Variants in GLB1 observed in about 807,000 individuals in gnomAD.
GLB1 encodes the protein beta-galactosidase.
Under a neutral mutation model 74.0 loss-of-function variants are expected in GLB1, and 56 were observed. The ratio of observed to expected loss-of-function variants is 0.76; its 90% CI spans 0.61 to 0.94. The LOEUF (loss-of-function observed/expected upper bound fraction) is 0.94. Ranked by LOEUF, GLB1 falls within the 40% of genes least tolerant of loss-of-function variation. The probability of loss-of-function intolerance (pLI) is 0.00; values close to 1 mark genes in which losing one functional copy is unlikely to be tolerated. For synonymous variants in GLB1, 323 were observed against 323.6 expected, an observed-to-expected ratio of 1.00 and a Z score of 0.02; for missense variants, 787 against 845.5, an observed-to-expected ratio of 0.93 and a Z score of 0.86.
At chr3:33,048,525 C>T (rs1310724505) in intron 9 of GLB1, among the ~76,000 whole-genome samples, 5 of 152,222 alleles carry the variant, frequency 3.3e-5, no homozygotes, top group African/African-American at 7.2e-5. Context: ...GAGACACACA[C>T]CTGCACAGGC....
At chr3:33,077,651 A>G (rs931387421) in intron 1 of GLB1, among the ~76,000 whole-genome samples, 18 of 151,824 alleles carry the variant, frequency 1.2e-4, no homozygotes, top group Non-Finnish European at 2.2e-4. Context: ...TATTGTACAT[A>G]AAGTAACTGG....
chr3:33,094,192 C>G, intron 1 of GLB1: 4 of 1,596,840 alleles, frequency 2.5e-6, no homozygotes, highest in Non-Finnish European at 2.6e-6. Context: ...CTGAAGATGG[C>G]CATTTTCTCT....
chr3:33,018,367 C>A lies in GLB1; in HGVS notation c.1347+81G>T, dbSNP rs150835241. ...GAGGCTGAAAAGGTGAGCAAAGACC[C>A]CAAATGCTGTGTTAACAAGTGCAGG... On this transcript the variant is annotated intron_variant, in intron 13 of 15. Coordinates refer to ENST00000307363, the MANE Select transcript of GLB1 (RefSeq NM_000404.4). 5.2e-4 allele frequency: 677 copies of A among 1,296,308 alleles called. 4 individuals are homozygous for A. The African/African-American group carries it at 9.6e-3, about 18-fold the overall frequency. 80.3% of individuals were successfully genotyped at this position (1,296,308 alleles called of 1,614,324 possible). A position where few individuals can be genotyped will look rare whatever the true frequency, so the allele number is the denominator to read the frequency against.
At chr3:33,011,402 C>T (rs559428788) in intron 15 of GLB1, among the ~76,000 whole-genome samples, 8 of 149,802 alleles carry the variant, frequency 5.3e-5, no homozygotes, top group Admixed American at 2.0e-4. Context: ...GTCAGGAGTC[C>T]GAGATCAGCC....
At chr3:32,978,088 T>A in the GLB1 span, among the ~76,000 whole-genome samples, 4 of 152,224 alleles carry the variant, frequency 2.6e-5, no homozygotes, top group Non-Finnish European at 4.4e-5. Flanking sequence ...GTTATGATAC[T>A]GTGGTTAAGC....
chr3:33,030,912 AGAG>A (rs1697976587), intron 10 of GLB1: 1 of 748,306 alleles, frequency 1.3e-6, no homozygotes, highest in Admixed American at 6.2e-5. Context: ...TCAGTAGGGA[AGAG>A]GAGGTCGCTG....
At chr3:33,065,210 C>A (rs1699621778) in intron 5 of GLB1, among the ~76,000 whole-genome samples, 1 of 152,130 alleles carries the variant, frequency 6.6e-6, no homozygotes, top group Admixed American at 6.5e-5. Context: ...CAAACTTCCT[C>A]ACTGAAAAAA....
chr3:33,046,043 T>C (rs1401562675), intron 10 of GLB1, 77 bp downstream of exon 10: 6 of 1,544,034 alleles, frequency 3.9e-6, no homozygotes, highest in African/African-American at 2.7e-5. Context: ...AGGCAGGAAG[T>C]TGTCCACAGA....
At chr3:32,999,292 G>A (rs963049342) in intron 15 of GLB1, among the ~76,000 whole-genome samples, 4 of 152,166 alleles carry the variant, frequency 2.6e-5, no homozygotes, top group African/African-American at 7.2e-5. Flanking sequence ...AAATCTGCCG[G>A]TGCCTTGTTT....
intron 10 of GLB1, among the ~76,000 whole-genome samples, chr3:33,043,567 G>A (rs528345469): frequency 1.4e-4 from 22 of 151,960 alleles, no homozygotes; most frequent in African/African-American, 5.1e-4. Flanking sequence ...AGCCAAAAAG[G>A]TAAACGAATA....
intron 15 of GLB1, among the ~76,000 whole-genome samples, chr3:33,008,751 C>T (rs1260863905): frequency 1.3e-5 from 2 of 152,090 alleles, no homozygotes; most frequent in Non-Finnish European, 2.9e-5. Flanking sequence ...ATCCATTCTA[C>T]ATGGAGGAGG....
At chr3:33,080,371 G>A (rs1700281943) in intron 1 of GLB1, among the ~76,000 whole-genome samples, 1 of 151,550 alleles carries the variant, frequency 6.6e-6, no homozygotes, top group African/African-American at 2.4e-5. Context: ...GAGCCACCGC[G>A]CCTGGTCTTT....
At chr3:33,050,302 C>T (rs971977819) in intron 9 of GLB1, among the ~76,000 whole-genome samples, 4 of 152,130 alleles carry the variant, frequency 2.6e-5, no homozygotes, top group Admixed American at 6.5e-5. Flanking sequence ...TTGGTATACA[C>T]CCAAAGGAAC....
intron 1 of GLB1, chr3:33,094,204 C>T: frequency 6.3e-7 from 1 of 1,586,550 alleles, no homozygotes; most frequent in South Asian, 1.1e-5. Flanking sequence ...ATTTTCTCTG[C>T]TCCTAGTAGG....
chr3:33,048,702 T>C (rs919066681), intron 9 of GLB1, among the ~76,000 whole-genome samples: 17 of 152,118 alleles, frequency 1.1e-4, no homozygotes, highest in Admixed American at 5.2e-4. Context: ...CAGGGAGGCT[T>C]GGCAGAACAC....
intron 1 of GLB1, among the ~76,000 whole-genome samples, chr3:33,077,915 T>C (rs1458943186): frequency 6.6e-6 from 1 of 152,140 alleles, no homozygotes; most frequent in Non-Finnish European, 1.5e-5. Context: ...TTTTCATTTA[T>C]CATTGTAAAA....
intron 15 of GLB1, among the ~76,000 whole-genome samples, chr3:33,004,179 C>G (rs181041932): frequency 1.4e-4 from 21 of 152,268 alleles, no homozygotes; most frequent in Admixed American, 5.9e-4. Flanking sequence ...TTCTTTGAAC[C>G]CTGCTCAGTC....
chr3:33,007,001 G>A (rs1348739682), intron 15 of GLB1, among the ~76,000 whole-genome samples: 1 of 152,202 alleles, frequency 6.6e-6, no homozygotes, highest in African/African-American at 2.4e-5. Flanking sequence ...TCAGAGCTTA[G>A]CACTCAGTGT....
At chr3:33,073,274 A>G (rs980027289) in intron 1 of GLB1, among the ~76,000 whole-genome samples, 9 of 152,184 alleles carry the variant, frequency 5.9e-5, no homozygotes, top group Non-Finnish European at 1.3e-4. Flanking sequence ...ATCCATAACT[A>G]TCCAGGGTAT....
Sources: gnomAD v4.1 joint callset for allele counts (sites outside exome capture counted in the v4.1 genomes callset) on GRCh38, gnomAD v4.1.1 for gene constraint, MANE v1.5 for transcripts, NCBI Gene and HGNC (gene_info 2026-07-23, HGNC 2026-07-21) for gene names.